TEX9: variants seen among roughly 807,000 people sequenced by gnomAD.
TEX9 encodes testis expressed 9.
Under a neutral mutation model 59.6 loss-of-function variants are expected in TEX9, and 74 were observed. The observed-to-expected ratio is 1.24, with a 90% CI of 1.03 to 1.51. TEX9 has a LOEUF of 1.51. Ranked by LOEUF, TEX9 falls within the 40% of genes most tolerant of loss-of-function variation. The pLI is 0.00. For missense variants in TEX9, 522 were observed against 447.8 expected (o/e 1.17, Z -1.49); for synonymous variants, 186 against 152.2 (o/e 1.22, Z -1.64).
At chr15:56,348,513 A>G (rs1235283546) in intron 1 of TEX9, among the ~76,000 whole-genome samples, 2 of 152,150 alleles carry the variant, frequency 1.3e-5, no homozygotes, top group African/African-American at 2.4e-5. Flanking sequence ...TTTGCTAAAT[A>G]AACAACTCAG....
At chr15:56,454,819 C>T in the TEX9 span, among the ~76,000 whole-genome samples, 1 of 152,128 alleles carries the variant, frequency 6.6e-6, no homozygotes, top group Non-Finnish European at 1.5e-5. Context: ...CCTTTTGTCT[C>T]TCCATGCTTT....
chr15:56,325,960 ACGGTCC>A (rs1350972252), intron 1 of TEX9, among the ~76,000 whole-genome samples: 2 of 152,224 alleles, frequency 1.3e-5, no homozygotes, highest in African/African-American at 4.8e-5. Flanking sequence ...TAATGAACAT[ACGGTCC>A]CCAATTATTT....
chr15:56,450,728 C>A (rs1242641470), downstream of TEX9, among the ~76,000 whole-genome samples: 3 of 152,042 alleles, frequency 2.0e-5, no homozygotes, highest in South Asian at 2.1e-4. Flanking sequence ...ATACAAGTAT[C>A]CATTTAAGTC....
chr15:56,365,314 C>A, upstream of TEX9: 1 of 1,226,088 alleles, frequency 8.2e-7, no homozygotes. Context: ...GAGCCCGCTG[C>A]CAGAGGCTCG....
chr15:56,408,013 T>C (rs2049160775), intron 9 of TEX9, among the ~76,000 whole-genome samples: 1 of 152,216 alleles, frequency 6.6e-6, no homozygotes, highest in African/African-American at 2.4e-5. Context: ...TTTACTCTTA[T>C]CAGATTATAC....
intron 2 of TEX9, among the ~76,000 whole-genome samples, chr15:56,370,090 C>T (rs1190323991): frequency 6.6e-6 from 1 of 152,102 alleles, no homozygotes; most frequent in Non-Finnish European, 1.5e-5. Flanking sequence ...AATATATTTA[C>T]ATTATTACAT....
chr15:56,394,013 C>T, intron 7 of TEX9, 152 bp from the exon 8 acceptor site: 1 of 545,562 alleles, frequency 1.8e-6, no homozygotes, highest in Non-Finnish European at 3.2e-6. Context: ...TTCATTAGGA[C>T]TGTTGAGTAC....
intron 1 of TEX9, among the ~76,000 whole-genome samples, chr15:56,304,379 G>A (rs1030636988): frequency 6.6e-6 from 1 of 152,182 alleles, no homozygotes; most frequent in African/African-American, 2.4e-5. Flanking sequence ...CTAGCTATGG[G>A]TCTGTCATAT....
intron 10 of TEX9, among the ~76,000 whole-genome samples, chr15:56,423,972 A>G (rs547264768): frequency 2.3e-4 from 35 of 152,096 alleles, no homozygotes; most frequent in Non-Finnish European, 4.7e-4. Context: ...CCTTTGTGTT[A>G]GAGGACTACT....
rs551421088 is a variant in TEX9 at position 56,326,594 on chromosome 15, G to A, written c.-106-46847G>A. On this transcript the variant is annotated intron_variant, in intron 1 of 5. Transcript: ENST00000560827. ...TTGAGTAAAAATCAGATTTGGAAATGCAGAACAATTCAGAAGAGTAAAGGA... is the reference window on the plus strand; with the variant it reads ...TTGAGTAAAAATCAGATTTGGAAATACAGAACAATTCAGAAGAGTAAAGGA... Among the ~76,000 whole-genome samples the A allele has an allele frequency of 2.0e-5, 3 of 152,236 alleles. No homozygotes were observed. The South Asian group carries it at 6.2e-4, about 32-fold the overall frequency.
intron 1 of TEX9, among the ~76,000 whole-genome samples, chr15:56,246,836 G>A (rs1464445807): frequency 6.6e-6 from 1 of 152,182 alleles, no homozygotes. Context: ...CTTGGAGTCA[G>A]AAGACCTGGG....
At chr15:56,459,323 T>C in the TEX9 span, among the ~76,000 whole-genome samples, 6 of 152,238 alleles carry the variant, frequency 3.9e-5, 1 homozygote, top group Non-Finnish European at 8.8e-5. Flanking sequence ...TAATATTCCA[T>C]TGTATAGATG....
intron 1 of TEX9, among the ~76,000 whole-genome samples, chr15:56,313,123 T>C (rs1265600838): frequency 6.6e-6 from 1 of 151,732 alleles, no homozygotes; most frequent in Admixed American, 6.6e-5. Flanking sequence ...TTTTCCTAAT[T>C]GAATACCCGT....
intron 1 of TEX9, among the ~76,000 whole-genome samples, chr15:56,281,828 T>G (rs1236240399): frequency 6.6e-6 from 1 of 152,156 alleles, no homozygotes; most frequent in East Asian, 1.9e-4. Context: ...CCAAATACAG[T>G]GTCCATTCCG....
chr15:56,341,772 A>T (rs1404255368), intron 1 of TEX9, among the ~76,000 whole-genome samples: 1 of 152,210 alleles, frequency 6.6e-6, no homozygotes, highest in Non-Finnish European at 1.5e-5. Flanking sequence ...ATGCAAAAAC[A>T]TTGATATAAA....
At chr15:56,260,334 T>C (rs1234690170) in intron 1 of TEX9, among the ~76,000 whole-genome samples, 3 of 152,104 alleles carry the variant, frequency 2.0e-5, no homozygotes, top group African/African-American at 7.2e-5. Context: ...CATTCCATAT[T>C]TCACCACTAA....
intron 12 of TEX9, chr15:56,434,436 T>C: frequency 1.9e-6 from 3 of 1,549,242 alleles, no homozygotes; most frequent in Non-Finnish European, 2.6e-6. Flanking sequence ...AACTATTTCC[T>C]TACACCAGAT....
chr15:56,370,279 T>G (rs1766088995), intron 2 of TEX9, among the ~76,000 whole-genome samples: 1 of 152,128 alleles, frequency 6.6e-6, no homozygotes, highest in African/African-American at 2.4e-5. Flanking sequence ...AGATAATATT[T>G]TACTTTGTTG....
At chr15:56,296,163 C>T (rs529359894) in intron 1 of TEX9, among the ~76,000 whole-genome samples, 4 of 152,314 alleles carry the variant, frequency 2.6e-5, no homozygotes, top group African/African-American at 9.6e-5. Context: ...CAAGCATCAG[C>T]TGCTAAGTGC....
Sources: gnomAD v4.1 joint callset for allele counts (sites outside exome capture counted in the v4.1 genomes callset) on GRCh38, gnomAD v4.1.1 for gene constraint, MANE v1.5 for transcripts, NCBI Gene and HGNC (gene_info 2026-07-23, HGNC 2026-07-21) for gene names.